GALNT13: variants seen among roughly 807,000 people sequenced by gnomAD.
GALNT13 encodes the protein UDP-GalNAc:polypeptide N-acetylgalactosaminyltransferase 13.
Under a neutral mutation model 64.2 loss-of-function variants are expected in GALNT13, and 28 were observed. The ratio of observed to expected loss-of-function variants is 0.44; its 90% confidence interval spans 0.32 to 0.60. GALNT13 has a LOEUF of 0.60. Among genes scored for constraint, GALNT13 ranks in the 20% least tolerant of loss-of-function variants. GALNT13 has a pLI of 0.05. For missense variants in GALNT13, 577 were observed against 669.8 expected (o/e 0.86, Z 1.53); for synonymous variants, 214 against 224.6 (o/e 0.95, Z 0.42).
At chr2:153,140,316 A>T in the GALNT13 span, among the ~76,000 whole-genome samples, 1 of 152,050 alleles carries the variant, frequency 6.6e-6, no homozygotes, top group Non-Finnish European at 1.5e-5. Flanking sequence ...ATTGGCAGAG[A>T]CTTCACAGAG....
chr2:154,162,009 C>T (rs1172149370), intron 4 of GALNT13, among the ~76,000 whole-genome samples: 1 of 152,136 alleles, frequency 6.6e-6, no homozygotes, highest in Non-Finnish European at 1.5e-5. Flanking sequence ...TCTTGATCTC[C>T]TGACCTTGTG....
the GALNT13 span, among the ~76,000 whole-genome samples, chr2:153,563,984 C>T: frequency 3.3e-5 from 5 of 152,086 alleles, no homozygotes; most frequent in South Asian, 2.1e-4. Context: ...GAGAGTACTC[C>T]GCTTTCGTGT....
At chr2:153,430,325 G>T in the GALNT13 span, among the ~76,000 whole-genome samples, 1 of 151,884 alleles carries the variant, frequency 6.6e-6, no homozygotes, top group East Asian at 1.9e-4. Context: ...AACTGTTATA[G>T]GTTGTGAGTT....
the GALNT13 span, among the ~76,000 whole-genome samples, chr2:153,498,846 A>T: frequency 6.6e-6 from 1 of 150,472 alleles, no homozygotes; most frequent in Non-Finnish European, 1.5e-5. Context: ...GTGGGTCCTA[A>T]GTTCGTTCTT....
chr2:154,261,185 C>T (rs184601502), intron 8 of GALNT13, among the ~76,000 whole-genome samples: 1 of 152,228 alleles, frequency 6.6e-6, no homozygotes, highest in East Asian at 1.9e-4. Flanking sequence ...AGAAGGAATG[C>T]AGCTAGGGGC....
At chr2:154,015,491 T>G (rs967407778) in intron 3 of GALNT13, among the ~76,000 whole-genome samples, 1 of 152,164 alleles carries the variant, frequency 6.6e-6, no homozygotes, top group Non-Finnish European at 1.5e-5. Flanking sequence ...CGTCACTGAT[T>G]CCTAGTTCTC....
the GALNT13 span, among the ~76,000 whole-genome samples, chr2:153,440,266 C>T: frequency 6.6e-6 from 1 of 152,162 alleles, no homozygotes; most frequent in Non-Finnish European, 1.5e-5. Flanking sequence ...CATGTCCCTG[C>T]AAAGGACATG....
the GALNT13 span, among the ~76,000 whole-genome samples, chr2:153,489,980 T>TAC: frequency 0.076 from 11,180 of 147,826 alleles, 796 homozygotes; most frequent in East Asian, 0.43. Context: ...GGCCCTGTTT[T>TAC]ACACACACAC....
At chr2:153,528,164 T>C in the GALNT13 span, among the ~76,000 whole-genome samples, 4 of 151,972 alleles carry the variant, frequency 2.6e-5, no homozygotes, top group Admixed American at 2.0e-4. Flanking sequence ...AGATCATTGA[T>C]CTGTTCTCTA....
the GALNT13 span, among the ~76,000 whole-genome samples, chr2:153,378,419 T>A: frequency 6.6e-6 from 1 of 152,134 alleles, no homozygotes; most frequent in Non-Finnish European, 1.5e-5. Context: ...GATATCAATA[T>A]GAAAACATAG....
At chr2:153,774,334 T>A in the GALNT13 span, among the ~76,000 whole-genome samples, 1 of 152,116 alleles carries the variant, frequency 6.6e-6, no homozygotes, top group South Asian at 2.1e-4. Context: ...TTTCTCTTTT[T>A]TCCATATTTT....
At chr2:154,392,172 C>T (rs545645573) in intron 9 of GALNT13, among the ~76,000 whole-genome samples, 1 of 152,284 alleles carries the variant, frequency 6.6e-6, no homozygotes, top group African/African-American at 2.4e-5. Context: ...CTGCTGCTTG[C>T]TGCACTGGAA....
At chr2:153,526,036 C>A in the GALNT13 span, among the ~76,000 whole-genome samples, 3 of 152,196 alleles carry the variant, frequency 2.0e-5, no homozygotes, top group East Asian at 3.9e-4. Flanking sequence ...AGCTGCAGTA[C>A]AATAGAACAC....
Position 154,451,400 on chromosome 2 carries a change from TAG to T in GALNT13, c.*851_*852del, listed in dbSNP as rs770618308. On this transcript the variant is annotated 3_prime_UTR_variant, in exon 13 of 13. Transcript: ENST00000392825. ...TACCATCCCTTTTCTCTTCACTCTA[TAG>T]ACAGTGGCATGCCATTGATGCTGTA... is the stretch of plus-strand genomic sequence containing the variant. The T allele has an allele frequency of 5.3e-5, 8 of 152,064 alleles. No individual in the cohort carries two copies. The highest frequency in any genetic ancestry group is 8.8e-5 in the Non-Finnish European group (6 of 67,992). The allele number at this position is 152,064 out of a possible 1,614,324, so 9.4% of individuals were successfully genotyped here.
At chr2:154,025,325 A>C (rs1301451733) in intron 3 of GALNT13, among the ~76,000 whole-genome samples, 1 of 152,050 alleles carries the variant, frequency 6.6e-6, no homozygotes, top group Non-Finnish European at 1.5e-5. Context: ...CCCATGTTTA[A>C]ATGTTTATCA....
At chr2:153,207,791 T>C in the GALNT13 span, among the ~76,000 whole-genome samples, 1 of 152,194 alleles carries the variant, frequency 6.6e-6, no homozygotes, top group Non-Finnish European at 1.5e-5. Context: ...ATGCTTTAAA[T>C]GTTGCTTTTA....
chr2:154,199,616 A>G (rs1194832425), intron 4 of GALNT13, among the ~76,000 whole-genome samples: 2 of 152,052 alleles, frequency 1.3e-5, no homozygotes, highest in East Asian at 1.9e-4. Flanking sequence ...GCTAAACAAG[A>G]TATGTCTCAG....
chr2:153,912,145 GA>G (rs1212253390), intron 2 of GALNT13, among the ~76,000 whole-genome samples: 1 of 151,932 alleles, frequency 6.6e-6, no homozygotes, highest in Non-Finnish European at 1.5e-5. Context: ...TATTATTTCA[GA>G]AAGTCAGTAT....
chr2:153,821,104 T>G, the GALNT13 span, among the ~76,000 whole-genome samples: 12 of 152,106 alleles, frequency 7.9e-5, no homozygotes, highest in Non-Finnish European at 1.6e-4. Flanking sequence ...CAAATACTTA[T>G]AGACTTATGA....
Sources: allele counts gnomAD v4.1 joint callset (sites outside exome capture counted in the v4.1 genomes callset), GRCh38; gene constraint gnomAD v4.1.1; transcripts MANE v1.5; gene names NCBI Gene and HGNC (gene_info 2026-07-23, HGNC 2026-07-21).